UBXN2A: variants seen among roughly 807,000 people sequenced by gnomAD.
UBXN2A encodes UBX domain protein 2A.
In UBXN2A, 28 loss-of-function variants were observed where a neutral mutation model predicts 28.4. That is an observed-to-expected ratio of 0.99 (90% CI 0.73 to 1.35). UBXN2A has a LOEUF of 1.35. Among genes scored for constraint, UBXN2A ranks in the 40% most tolerant of loss-of-function variants. UBXN2A has a pLI of 0.00. For missense variants in UBXN2A, 253 were observed against 297.9 expected (o/e 0.85, Z 1.11); for synonymous variants, 97 against 103.6 (o/e 0.94, Z 0.39).
At chr2:23,952,637 G>A (rs1359615330) in intron 1 of UBXN2A, among the ~76,000 whole-genome samples, 4 of 149,932 alleles carry the variant, frequency 2.7e-5, no homozygotes, top group African/African-American at 9.8e-5. Context: ...GTAGAGACGG[G>A]TTTCACCATG....
At chr2:23,958,270 C>A (rs763663893) in intron 1 of UBXN2A, 31 bp from the exon 2 acceptor site, 24 of 1,559,630 alleles carry the variant, frequency 1.5e-5, no homozygotes, top group South Asian at 1.2e-4. Context: ...TACTTACTTT[C>A]TTTTTACTTA....
At chr2:23,981,565 C>G (rs1294321940) in intron 4 of UBXN2A, among the ~76,000 whole-genome samples, 1 of 142,874 alleles carries the variant, frequency 7.0e-6, no homozygotes, top group African/African-American at 2.6e-5. Context: ...TTTCCGTTTT[C>G]AGAATAAATC....
At chr2:23,949,233 A>AT (rs2150813710) in intron 1 of UBXN2A, among the ~76,000 whole-genome samples, 1 of 148,266 alleles carries the variant, frequency 6.7e-6, no homozygotes, top group South Asian at 2.2e-4. Context: ...AAGTGCCGGG[A>AT]TTACAGGCAT....
At chr2:23,987,731 T>C (rs569853567) in intron 6 of UBXN2A, among the ~76,000 whole-genome samples, 1 of 147,416 alleles carries the variant, frequency 6.8e-6, no homozygotes, top group East Asian at 2.0e-4. Flanking sequence ...TAAGCCGAGA[T>C]CGCGCCACTG....
chr2:23,941,255 A>C (rs530692321), intron 1 of UBXN2A, among the ~76,000 whole-genome samples: 1 of 152,298 alleles, frequency 6.6e-6, no homozygotes, highest in East Asian at 1.9e-4. Flanking sequence ...AAAGATAGGA[A>C]ACTGCTGATT....
chr2:23,982,840 T>C, intron 4 of UBXN2A, 56 bp from the exon 5 acceptor site: 1 of 1,524,470 alleles, frequency 6.6e-7, no homozygotes, highest in Non-Finnish European at 8.8e-7. Flanking sequence ...CAGAATGTTT[T>C]TCAGAGAAAT....
intron 4 of UBXN2A, among the ~76,000 whole-genome samples, chr2:23,979,014 T>C (rs1340829216): frequency 6.6e-6 from 1 of 151,858 alleles, no homozygotes; most frequent in East Asian, 1.9e-4. Context: ...CTAAGTATTA[T>C]ACATGCTTGG....
chr2:23,949,549 AAAAT>A (rs1208246869), intron 1 of UBXN2A, among the ~76,000 whole-genome samples: 2 of 151,460 alleles, frequency 1.3e-5, no homozygotes, highest in African/African-American at 2.4e-5. Flanking sequence ...CTTCATCTCA[AAAAT>A]AAATAAATAA....
intron 1 of UBXN2A, among the ~76,000 whole-genome samples, chr2:23,947,953 C>T (rs189229805): frequency 2.0e-5 from 3 of 151,952 alleles, no homozygotes; most frequent in African/African-American, 7.2e-5. Context: ...CTCCCAGCTT[C>T]AAGTGATTCT....
chr2:23,992,171 C>A (rs918314497), intron 6 of UBXN2A, among the ~76,000 whole-genome samples: 3 of 152,018 alleles, frequency 2.0e-5, no homozygotes, highest in Non-Finnish European at 2.9e-5. Context: ...GGGGTTTCAC[C>A]ATGTTGGCCA....
At chr2:23,943,903 G>A (rs1027339066) in intron 1 of UBXN2A, 14 of 414,404 alleles carry the variant, frequency 3.4e-5, no homozygotes, top group Non-Finnish European at 6.2e-5. Flanking sequence ...GCGCACTTTA[G>A]CCCTCAGCTT....
At chr2:23,927,635 G>GT (rs1705101665) in intron 1 of UBXN2A, 2 of 123,512 alleles carry the variant, frequency 1.6e-5, no homozygotes, top group Admixed American at 9.5e-5. Flanking sequence ...AGAAGAGAAG[G>GT]GGGGGGGGAA....
intron 6 of UBXN2A, among the ~76,000 whole-genome samples, chr2:23,991,564 G>C (rs549447205): frequency 3.3e-5 from 5 of 151,944 alleles, no homozygotes; most frequent in Non-Finnish European, 5.9e-5. Context: ...TGCCTCCCAG[G>C]TTCAAGCAAT....
intron 4 of UBXN2A, among the ~76,000 whole-genome samples, chr2:23,982,095 C>T (rs1484486818): frequency 3.3e-5 from 5 of 151,952 alleles, no homozygotes; most frequent in Admixed American, 1.3e-4. Flanking sequence ...CACGGTGGCT[C>T]ACACCTGTAA....
chr2:23,999,099 TGA>T (rs1391937104), intron 6 of UBXN2A, among the ~76,000 whole-genome samples: 2 of 152,226 alleles, frequency 1.3e-5, no homozygotes, highest in African/African-American at 4.8e-5. Context: ...ATTGATTGAA[TGA>T]GAGAATTCTT....
At chr2:23,944,726 T>TG (rs1705963974) in intron 1 of UBXN2A, among the ~76,000 whole-genome samples, 1 of 152,148 alleles carries the variant, frequency 6.6e-6, no homozygotes, top group Non-Finnish European at 1.5e-5. Flanking sequence ...CCCTGGGGAC[T>TG]GGGGGTGAGG....
intron 1 of UBXN2A, chr2:23,944,363 G>A (rs189773062): frequency 1.3e-6 from 2 of 1,498,652 alleles, no homozygotes; most frequent in Admixed American, 3.4e-5. Flanking sequence ...GAACTGAGGT[G>A]ACCAGCATCA....
At chr2:23,983,630 C>T (rs1259956689) in intron 5 of UBXN2A, among the ~76,000 whole-genome samples, 1 of 151,994 alleles carries the variant, frequency 6.6e-6, no homozygotes, top group African/African-American at 2.4e-5. Flanking sequence ...TCTTTTGTGT[C>T]CCTTGCACTC....
chr2:23,966,837 A>G (rs1010034871), intron 2 of UBXN2A, among the ~76,000 whole-genome samples: 4 of 145,606 alleles, frequency 2.7e-5, no homozygotes, highest in Non-Finnish European at 6.0e-5. Flanking sequence ...GTACATTGAC[A>G]TGATCTCAGT....
Sources: gnomAD v4.1 joint callset for allele counts (sites outside exome capture counted in the v4.1 genomes callset) on GRCh38, gnomAD v4.1.1 for gene constraint, MANE v1.5 for transcripts, NCBI Gene and HGNC (gene_info 2026-07-23, HGNC 2026-07-21) for gene names.